Variants in DNAJC8 observed in about 807,000 individuals in gnomAD.
The protein encoded by DNAJC8 is dnaJ homolog subfamily C member 8.
In DNAJC8, 24 loss-of-function variants were observed where a neutral mutation model predicts 43.2. The observed-to-expected ratio is 0.56, with a 90% CI of 0.40 to 0.78. The LOEUF (loss-of-function observed/expected upper bound fraction) is 0.78. DNAJC8 is among the 30% of genes least tolerant of loss of function. The probability of loss-of-function intolerance (pLI) is 0.00; values close to 1 mark genes in which losing one functional copy is unlikely to be tolerated. For synonymous variants in DNAJC8, 83 were observed against 98.0 expected, an observed-to-expected ratio of 0.85 and a Z score of 0.90; for missense variants, 207 against 299.4, an observed-to-expected ratio of 0.69 and a Z score of 2.28.
intron 6 of DNAJC8, among the ~76,000 whole-genome samples, chr1:28,207,130 C>G (rs11247760): frequency 0.029 from 4,436 of 151,446 alleles, 209 homozygotes; most frequent in African/African-American, 0.099. Context: ...GTAATCCCAG[C>G]ACTTTGGGAG....
intron 4 of DNAJC8, 95 bp from the exon 5 acceptor site, chr1:28,210,161 G>T: frequency 2.0e-6 from 2 of 1,001,702 alleles, no homozygotes; most frequent in Non-Finnish European, 3.1e-6. Context: ...GCTCTCTAAA[G>T]CATTCCCTAC....
At chr1:28,212,210 T>TATATATATATATATA (rs1557708014) in intron 3 of DNAJC8, among the ~76,000 whole-genome samples, 5 of 109,490 alleles carry the variant, frequency 4.6e-5, no homozygotes, top group Non-Finnish European at 7.5e-5. Context: ...TATATATATA[T>TATATATATATATATA]ATATAAATGA....
At chr1:28,218,594 T>C (rs1646877357) in intron 2 of DNAJC8, among the ~76,000 whole-genome samples, 1 of 151,832 alleles carries the variant, frequency 6.6e-6, no homozygotes, top group African/African-American at 2.4e-5. Context: ...TGGTGACTTT[T>C]TAAAATGTTT....
At chr1:28,209,834 C>G in intron 5 of DNAJC8, 138 bp downstream of exon 5, 1 of 694,660 alleles carries the variant, frequency 1.4e-6, no homozygotes, top group Non-Finnish European at 2.5e-6. Context: ...TCATGACCAC[C>G]ACAGCAAAGT....
At position 28,201,058 on chromosome 1, in the gene DNAJC8, T is replaced by C. The variant is rs191748539; in HGVS notation, c.*190A>G. 3.8e-5 allele frequency: 33 copies of C among 862,902 alleles called. No homozygotes were observed. The Admixed American group carries it at 9.5e-4, about 25-fold the overall frequency. 53.5% of individuals were successfully genotyped at this position (862,902 alleles called of 1,614,324 possible). A position where few individuals can be genotyped will look rare whatever the true frequency, so the allele number is the denominator to read the frequency against. ...GGGCAGGGAGAGGGAAAGGTCTTTT[T>C]TTAAACCAAGCCCCTCATTTCAATG... On this transcript the variant is annotated 3_prime_UTR_variant, in exon 9 of 9. Coordinates refer to ENST00000263697, the MANE Select transcript of DNAJC8 (RefSeq NM_014280.3).
intron 2 of DNAJC8, among the ~76,000 whole-genome samples, chr1:28,215,718 G>A (rs1646848236): frequency 6.6e-6 from 1 of 151,928 alleles, no homozygotes; most frequent in African/African-American, 2.4e-5. Flanking sequence ...TGTAATTTTA[G>A]TAGACACAGG....
intron 1 of DNAJC8, among the ~76,000 whole-genome samples, chr1:28,232,073 C>G (rs1646979994): frequency 6.6e-6 from 1 of 151,368 alleles, no homozygotes; most frequent in Non-Finnish European, 1.5e-5. Context: ...TTTTTTCTAT[C>G]CTTTTTTTCC....
At chr1:28,205,371 A>G in intron 6 of DNAJC8, 22 bp from the exon 7 acceptor site, 2 of 1,567,742 alleles carry the variant, frequency 1.3e-6, no homozygotes, top group Non-Finnish European at 1.7e-6. Context: ...TCAAGAACAA[A>G]AGAAAATCAG....
intron 2 of DNAJC8, among the ~76,000 whole-genome samples, chr1:28,225,289 A>G (rs1646926693): frequency 1.3e-5 from 2 of 151,474 alleles, no homozygotes; most frequent in South Asian, 4.2e-4. Flanking sequence ...ATGGACCATC[A>G]TACTAACAAT....
At chr1:28,223,417 G>C (rs752096267) in intron 2 of DNAJC8, among the ~76,000 whole-genome samples, 17 of 152,114 alleles carry the variant, frequency 1.1e-4, no homozygotes, top group Non-Finnish European at 2.1e-4. Context: ...GCCTGACATG[G>C]GAGTTCAGAG....
At chr1:28,224,982 C>T (rs1194324953) in intron 2 of DNAJC8, among the ~76,000 whole-genome samples, 1 of 150,856 alleles carries the variant, frequency 6.6e-6, no homozygotes, top group Non-Finnish European at 1.5e-5. Flanking sequence ...GAGCCCAGAG[C>T]CCAGGAGTTC....
At chr1:28,224,821 T>G (rs946611440) in intron 2 of DNAJC8, among the ~76,000 whole-genome samples, 1 of 151,828 alleles carries the variant, frequency 6.6e-6, no homozygotes, top group Non-Finnish European at 1.5e-5. Flanking sequence ...GAGGCGGAGG[T>G]TGCAGTGAAC....
rs533956883 is a variant in DNAJC8, at chr1:28,220,951, T to C, written c.181-5955A>G. Among the ~76,000 whole-genome samples the C allele has an allele frequency of 2.6e-5, 4 of 152,152 alleles. No individual in the cohort carries two copies. The South Asian group carries it at 6.2e-4, about 24-fold the overall frequency. Reference sequence around the variant, plus strand: ...TTTTGAACCTCAGGGAGCTAATTAATCATCACACAGAAACAAAAATGCTTA... The same window carrying C: ...TTTTGAACCTCAGGGAGCTAATTAACCATCACACAGAAACAAAAATGCTTA... On this transcript the variant is annotated intron_variant, in intron 2 of 8. Coordinates refer to ENST00000263697, the MANE Select transcript of DNAJC8 (RefSeq NM_014280.3).
Position 28,212,168 on chromosome 1 carries a change from A to AATATATAT in DNAJC8, c.238-1539_238-1532dup, listed in dbSNP as rs201782610. 3.3e-3 allele frequency among the ~76,000 whole-genome samples: 102 copies of AATATATAT among 30,816 alleles called. 4 individuals are homozygous for AATATATAT. Among genetic ancestry groups the AATATATAT allele is most frequent in the Non-Finnish European group, 5.2e-3 (74 of 14,146 alleles). The allele number at this position is 30,816 out of a possible 152,430, so 20.2% of individuals were successfully genotyped here. On this transcript the variant is annotated intron_variant, in intron 3 of 8. Coordinates refer to ENST00000263697, the MANE Select transcript of DNAJC8 (RefSeq NM_014280.3). ...CGGACTCCGTCTCAATAAATAAATAAATATATATATATATATATATATATA... is the reference window on the plus strand; with the variant it reads ...CGGACTCCGTCTCAATAAATAAATAAATATATATATATATATATATATATATATATATA...
intron 3 of DNAJC8, 37 bp downstream of exon 3, chr1:28,214,903 A>C: frequency 6.5e-7 from 1 of 1,548,394 alleles, no homozygotes; most frequent in Non-Finnish European, 8.8e-7. Flanking sequence ...TGCTTCATAC[A>C]TTTTCAAAAA....
At chr1:28,231,912 C>A (rs1247770475) in intron 1 of DNAJC8, among the ~76,000 whole-genome samples, 2 of 151,836 alleles carry the variant, frequency 1.3e-5, no homozygotes, top group Non-Finnish European at 2.9e-5. Context: ...GGACTACAGG[C>A]GCCCACTACC....
intron 2 of DNAJC8, among the ~76,000 whole-genome samples, chr1:28,226,443 C>T (rs988996957): frequency 6.6e-6 from 1 of 151,188 alleles, no homozygotes; most frequent in South Asian, 2.1e-4. Context: ...GCAGAGGTTG[C>T]GGTGAGCCGA....
At chr1:28,201,812 A>G (rs1378673092) in intron 8 of DNAJC8, among the ~76,000 whole-genome samples, 1 of 151,370 alleles carries the variant, frequency 6.6e-6, no homozygotes, top group Non-Finnish European at 1.5e-5. Flanking sequence ...AAGAAAAGAA[A>G]AAAAGAAAAA....
chr1:28,222,021 G>A (rs147397372), intron 2 of DNAJC8, among the ~76,000 whole-genome samples: 2 of 152,280 alleles, frequency 1.3e-5, no homozygotes, highest in African/African-American at 2.4e-5. Flanking sequence ...TTTATATGAG[G>A]TACTTGGTCA....
Sources: gnomAD v4.1 joint callset for allele counts (sites outside exome capture counted in the v4.1 genomes callset) on GRCh38, gnomAD v4.1.1 for gene constraint, MANE v1.5 for transcripts, NCBI Gene and HGNC (gene_info 2026-07-23, HGNC 2026-07-21) for gene names.